Variants in CNTNAP2 observed in about 807,000 individuals in gnomAD.
The protein encoded by CNTNAP2 is contactin-associated protein-like 2.
In CNTNAP2, 98 loss-of-function variants were observed where a neutral mutation model predicts 155.2. The ratio of observed to expected loss-of-function variants is 0.63; its 90% CI spans 0.54 to 0.75. The LOEUF is 0.75. Ranked by LOEUF, CNTNAP2 falls within the 30% of genes least tolerant of loss-of-function variation. The pLI, the probability that CNTNAP2 is intolerant of heterozygous loss-of-function variation, is 0.00. For missense variants in CNTNAP2, 1,727 were observed against 1,688.1 expected (o/e 1.02, Z -0.40); for synonymous variants, 651 against 631.2 (o/e 1.03, Z -0.47).
chr7:148,388,189 A>G (rs959127426), intron 22 of CNTNAP2, among the ~76,000 whole-genome samples: 4 of 152,022 alleles, frequency 2.6e-5, no homozygotes, highest in African/African-American at 9.7e-5. Flanking sequence ...ACATGTGCAC[A>G]TTGTGCAGGT....
Position 146,253,777 on chromosome 7 carries a change from C to G in CNTNAP2, c.97+136804C>G, listed in dbSNP as rs957170029. Among the ~76,000 whole-genome samples, 19 of 152,092 alleles carry G rather than the reference C, an allele frequency of 1.2e-4. 1 individual carries two copies. Among genetic ancestry groups the G allele is most frequent in the African/African-American group, 4.3e-4 (18 of 41,414 alleles). On this transcript the variant is annotated intron_variant, in intron 1 of 23. Transcript: ENST00000361727. ...AAAGATGTATCTAAAACATAGTAGG[C>G]TGAGCATGGTGACTCATGCCTTTAA...
intron 13 of CNTNAP2, among the ~76,000 whole-genome samples, chr7:147,715,515 C>T (rs76577388): frequency 0.019 from 2,962 of 152,090 alleles, 94 homozygotes; most frequent in African/African-American, 0.068. Flanking sequence ...TTTCTAATTT[C>T]ATGTCTTTTG....
chr7:146,712,391 A>AGTATACATATCTTATGTATACTATATG (rs1293782028), intron 1 of CNTNAP2, among the ~76,000 whole-genome samples: 21 of 132,172 alleles, frequency 1.6e-4, no homozygotes, highest in African/African-American at 5.7e-4. Context: ...TATACTATAT[A>AGTATACATATCTTATGTATACTATATG]TATAAATAAA....
chr7:146,474,143 T>C (rs1796839158), intron 1 of CNTNAP2, among the ~76,000 whole-genome samples: 1 of 152,134 alleles, frequency 6.6e-6, no homozygotes, highest in Non-Finnish European at 1.5e-5. Context: ...TCAATATTTC[T>C]GCACAATGTA....
intron 14 of CNTNAP2, among the ~76,000 whole-genome samples, chr7:147,968,440 C>T (rs1490632551): frequency 6.6e-6 from 1 of 152,162 alleles, no homozygotes. Context: ...CACTAGCTTC[C>T]TTCCTTCCAT....
chr7:147,431,812 C>T (rs62481228), intron 10 of CNTNAP2, among the ~76,000 whole-genome samples: 66,142 of 152,008 alleles, frequency 0.44, 15,453 homozygotes, highest in African/African-American at 0.62. Context: ...CTGCTAATTT[C>T]CTTTTCTAGG....
intron 8 of CNTNAP2, among the ~76,000 whole-genome samples, chr7:147,215,834 T>G (rs1371952005): frequency 6.6e-6 from 1 of 152,162 alleles, no homozygotes; most frequent in African/African-American, 2.4e-5. Context: ...CCTGTTGTTT[T>G]GCATCCTGGC....
At chr7:147,275,062 C>T (rs992498679) in intron 8 of CNTNAP2, among the ~76,000 whole-genome samples, 6 of 151,902 alleles carry the variant, frequency 3.9e-5, no homozygotes, top group African/African-American at 1.5e-4. Flanking sequence ...GTTATTATAG[C>T]CTTACAGTAT....
rs1411886610 is a variant in CNTNAP2, at chr7:148,419,232, CCT to C, written c.*3617_*3618del. 6.6e-6 allele frequency: 1 copy of C among 152,056 alleles called. No individual in the cohort carries two copies. The highest frequency in any genetic ancestry group is 1.5e-5 in the Non-Finnish European group (1 of 68,042). 9.4% of individuals were successfully genotyped at this position (152,056 alleles called of 1,614,324 possible). On this transcript the variant is annotated 3_prime_UTR_variant, in exon 24 of 24. Coordinates refer to ENST00000361727, the MANE Select transcript of CNTNAP2 (RefSeq NM_014141.6). ...ACCCCCCATTTTTTCTTTTCACCAC[CCT>C]GTTGAGCAATTTTCCCAAAAAAAGG...
At chr7:147,482,323 G>A (rs565409191) in intron 10 of CNTNAP2, among the ~76,000 whole-genome samples, 1 of 151,956 alleles carries the variant, frequency 6.6e-6, no homozygotes, top group Non-Finnish European at 1.5e-5. Flanking sequence ...TATGGCGATA[G>A]GGTTTGCAAT....
At chr7:147,976,733 A>G (rs1057315430) in intron 14 of CNTNAP2, among the ~76,000 whole-genome samples, 2 of 152,260 alleles carry the variant, frequency 1.3e-5, no homozygotes, top group African/African-American at 4.8e-5. Flanking sequence ...CATTTTCAAG[A>G]CAGGCCTCCA....
chr7:147,470,317 G>T lies in CNTNAP2; in HGVS notation c.1671-15618G>T, dbSNP rs532964274. Among the ~76,000 whole-genome samples, 10 of 150,156 alleles carry T rather than the reference G, an allele frequency of 6.7e-5. No homozygotes were observed. The East Asian group carries it at 1.8e-3, about 27-fold the overall frequency. ...GTAGCTATGGTAGTGTCTTGGATTA[G>T]GGTAATAGCAGTAGAGATGGTAGCT... On this transcript the variant is annotated intron_variant, in intron 10 of 23. Coordinates refer to ENST00000361727, the MANE Select transcript of CNTNAP2 (RefSeq NM_014141.6).
chr7:146,801,755 C>T (rs1802882519), intron 2 of CNTNAP2, among the ~76,000 whole-genome samples: 1 of 151,994 alleles, frequency 6.6e-6, no homozygotes, highest in African/African-American at 2.4e-5. Context: ...CAATGTGGTA[C>T]AGATCAAATA....
At chr7:148,064,169 C>G (rs1352034932) in intron 15 of CNTNAP2, among the ~76,000 whole-genome samples, 1 of 152,036 alleles carries the variant, frequency 6.6e-6, no homozygotes, top group Non-Finnish European at 1.5e-5. Flanking sequence ...AATGTAATGC[C>G]TCCAGATTTG....
intron 1 of CNTNAP2, among the ~76,000 whole-genome samples, chr7:146,584,066 C>A (rs973492068): frequency 6.6e-6 from 1 of 152,150 alleles, no homozygotes; most frequent in Non-Finnish European, 1.5e-5. Context: ...ATATCTATTT[C>A]TTCAAGACAA....
At chr7:147,507,711 C>T (rs12056146) in intron 11 of CNTNAP2, among the ~76,000 whole-genome samples, 13,838 of 151,614 alleles carry the variant, frequency 0.091, 862 homozygotes, top group East Asian at 0.3. Context: ...TGCCACCACG[C>T]GCGGCTAATT....
chr7:147,733,360 T>C (rs111864944), intron 13 of CNTNAP2, among the ~76,000 whole-genome samples: 28,374 of 152,138 alleles, frequency 0.19, 3,052 homozygotes, highest in Middle Eastern at 0.38. Flanking sequence ...GAGGACTCTG[T>C]TTTGTTCCCT....
intron 11 of CNTNAP2, among the ~76,000 whole-genome samples, chr7:147,486,632 C>CA (rs1798515903): frequency 1.3e-5 from 2 of 151,806 alleles, no homozygotes; most frequent in Non-Finnish European, 2.9e-5. Context: ...AAGTAACATG[C>CA]AAAAATGACT....
chr7:146,156,852 C>G (rs749185395), intron 1 of CNTNAP2, among the ~76,000 whole-genome samples: 1 of 152,170 alleles, frequency 6.6e-6, no homozygotes, highest in African/African-American at 2.4e-5. Flanking sequence ...CCACCCGCCT[C>G]GACCTCCCAA....
Sources: allele counts gnomAD v4.1 joint callset (sites outside exome capture counted in the v4.1 genomes callset), GRCh38; gene constraint gnomAD v4.1.1; transcripts MANE v1.5; gene names NCBI Gene and HGNC (gene_info 2026-07-23, HGNC 2026-07-21).